Variants in COL19A1 observed in about 807,000 individuals in gnomAD.
COL19A1 encodes the protein collagen alpha-1(XIX) chain.
Under a neutral mutation model 190.2 loss-of-function variants are expected in COL19A1, and 159 were observed. The observed-to-expected ratio is 0.84, with a 90% CI of 0.73 to 0.95. COL19A1 has a LOEUF of 0.95. Ranked by LOEUF, COL19A1 falls within the 40% of genes least tolerant of loss-of-function variation. COL19A1 has a pLI of 0.00. For synonymous variants in COL19A1, 509 were observed against 458.9 expected, an observed-to-expected ratio of 1.11 and a Z score of -1.39; for missense variants, 1,418 against 1,431.9, an observed-to-expected ratio of 0.99 and a Z score of 0.16.
chr6:70,024,956 C>A (rs1778647364), intron 12 of COL19A1, among the ~76,000 whole-genome samples: 1 of 151,806 alleles, frequency 6.6e-6, no homozygotes, highest in Non-Finnish European at 1.5e-5. Context: ...TCCAGTTTGT[C>A]TTCCAGTTCT....
intron 11 of COL19A1, among the ~76,000 whole-genome samples, chr6:70,006,132 T>G (rs755691992): frequency 4.1e-4 from 63 of 152,120 alleles, no homozygotes; most frequent in Non-Finnish European, 7.5e-4. Flanking sequence ...TGCTACCCCT[T>G]CCTCAGGGAG....
chr6:70,021,105 C>A (rs1003954418), intron 11 of COL19A1, among the ~76,000 whole-genome samples: 3 of 151,968 alleles, frequency 2.0e-5, no homozygotes, highest in African/African-American at 7.2e-5. Context: ...AACAATAAAT[C>A]AAATAAATTT....
chr6:70,118,990 A>G (rs1235506186), intron 16 of COL19A1, among the ~76,000 whole-genome samples: 1 of 152,284 alleles, frequency 6.6e-6, no homozygotes, highest in South Asian at 2.1e-4. Flanking sequence ...TCTGTAAAGG[A>G]TCATATCCCA....
chr6:70,098,367 G>C, intron 15 of COL19A1: 1 of 497,982 alleles, frequency 2.0e-6, no homozygotes, highest in Non-Finnish European at 4.0e-6. Flanking sequence ...AACATTTATT[G>C]TGTGACTAAT....
At chr6:70,146,238 C>G (rs968166265) in intron 25 of COL19A1, among the ~76,000 whole-genome samples, 1 of 152,100 alleles carries the variant, frequency 6.6e-6, no homozygotes, top group African/African-American at 2.4e-5. Flanking sequence ...CCTGAAATTT[C>G]TCTTCCAGAG....
intron 35 of COL19A1, 73 bp downstream of exon 35, chr6:70,162,026 T>C: frequency 7.2e-7 from 1 of 1,386,872 alleles, no homozygotes; most frequent in Non-Finnish European, 9.9e-7. Flanking sequence ...TTAATTTTCT[T>C]CATTGCCTTT....
intron 11 of COL19A1, among the ~76,000 whole-genome samples, chr6:70,010,430 G>T (rs943871583): frequency 2.7e-5 from 4 of 146,862 alleles, no homozygotes; most frequent in African/African-American, 7.6e-5. Flanking sequence ...GGTGATTTCT[G>T]CATTTCCATC....
intron 25 of COL19A1, among the ~76,000 whole-genome samples, chr6:70,145,688 A>G (rs1786582021): frequency 6.6e-6 from 1 of 151,856 alleles, no homozygotes; most frequent in Non-Finnish European, 1.5e-5. Flanking sequence ...AGTCAGGGGA[A>G]AAAAGAAATA....
At chr6:70,124,011 G>T (rs2150214905) in intron 17 of COL19A1, among the ~76,000 whole-genome samples, 1 of 150,794 alleles carries the variant, frequency 6.6e-6, no homozygotes, top group East Asian at 1.9e-4. Flanking sequence ...TATATACACA[G>T]TGGAATATTA....
chr6:69,935,589 G>C (rs1773046408), intron 7 of COL19A1, among the ~76,000 whole-genome samples: 1 of 152,024 alleles, frequency 6.6e-6, no homozygotes, highest in African/African-American at 2.4e-5. Flanking sequence ...CTGAAATCTG[G>C]AGAGAGTAGA....
chr6:69,938,306 A>AGAT (rs1773243295), intron 9 of COL19A1, among the ~76,000 whole-genome samples: 1 of 152,100 alleles, frequency 6.6e-6, no homozygotes, highest in Non-Finnish European at 1.5e-5. Flanking sequence ...GCTGGTGTGA[A>AGAT]CTTTGGAAAG....
At chr6:70,089,219 A>G (rs1216573109) in intron 15 of COL19A1, among the ~76,000 whole-genome samples, 1 of 152,174 alleles carries the variant, frequency 6.6e-6, no homozygotes, top group East Asian at 1.9e-4. Context: ...TAAGAAAAAG[A>G]TCAATATAAC....
chr6:70,064,500 T>G (rs1378722118), intron 14 of COL19A1, among the ~76,000 whole-genome samples: 1 of 152,066 alleles, frequency 6.6e-6, no homozygotes, highest in Non-Finnish European at 1.5e-5. Context: ...CCACAGCCAA[T>G]ATCATACTGG....
At chr6:70,196,212 G>A (rs1229358185) in intron 48 of COL19A1, among the ~76,000 whole-genome samples, 3 of 152,178 alleles carry the variant, frequency 2.0e-5, no homozygotes, top group Admixed American at 6.5e-5. Flanking sequence ...CCCTTTAGGA[G>A]AGAACTATAT....
chr6:69,980,940 T>C (rs1775999452), intron 11 of COL19A1, among the ~76,000 whole-genome samples: 1 of 152,190 alleles, frequency 6.6e-6, no homozygotes, highest in Admixed American at 6.5e-5. Context: ...CTGGGTAATA[T>C]CTATTCAAAA....
intron 33 of COL19A1, 110 bp downstream of exon 33, chr6:70,156,479 T>A: frequency 2.1e-6 from 2 of 933,642 alleles, no homozygotes; most frequent in Non-Finnish European, 3.2e-6. Flanking sequence ...TATATATATA[T>A]GTATGTATGT....
chr6:69,889,283 A>T (rs1445926717), intron 2 of COL19A1, among the ~76,000 whole-genome samples: 1 of 152,252 alleles, frequency 6.6e-6, no homozygotes, highest in Non-Finnish European at 1.5e-5. Context: ...TAATAATTTC[A>T]TGTATGATAA....
intron 9 of COL19A1, among the ~76,000 whole-genome samples, chr6:69,943,011 C>T (rs1260824350): frequency 1.3e-5 from 2 of 151,994 alleles, no homozygotes; most frequent in Non-Finnish European, 2.9e-5. Context: ...ATTTACATTC[C>T]CACTAAAAGG....
chr6:70,020,528 T>C (rs1778358963), intron 11 of COL19A1, among the ~76,000 whole-genome samples: 1 of 152,124 alleles, frequency 6.6e-6, no homozygotes. Flanking sequence ...CCTAATAAAT[T>C]TCAAGTTGTT....
Sources: allele counts gnomAD v4.1 joint callset (sites outside exome capture counted in the v4.1 genomes callset), GRCh38; gene constraint gnomAD v4.1.1; transcripts MANE v1.5; gene names NCBI Gene and HGNC (gene_info 2026-07-23, HGNC 2026-07-21).